PHF19: variants seen among roughly 807,000 people sequenced by gnomAD.
PHF19 encodes PHD finger protein 19.
Under a neutral mutation model 79.8 loss-of-function variants are expected in PHF19, and 21 were observed. The observed-to-expected ratio is 0.26, with a 90% CI of 0.19 to 0.38. The LOEUF is 0.38. PHF19 is among the 10% of genes least tolerant of loss of function. The probability of loss-of-function intolerance (pLI) is 1.00; values close to 1 mark genes in which losing one functional copy is unlikely to be tolerated. For missense variants in PHF19, 445 were observed against 744.2 expected (o/e 0.60, Z 4.68); for synonymous variants, 273 against 296.3 (o/e 0.92, Z 0.81).
intron 1 of PHF19, among the ~76,000 whole-genome samples, chr9:120,882,752 G>C (rs952139901): frequency 6.7e-6 from 1 of 148,476 alleles, no homozygotes; most frequent in Non-Finnish European, 1.5e-5. Flanking sequence ...TGAGGCAGGA[G>C]AATCTCTTGA....
At chr9:120,895,199 G>T (rs1480171164), upstream of PHF19, among the ~76,000 whole-genome samples, 2 of 152,134 alleles carry the variant, frequency 1.3e-5, no homozygotes, top group African/African-American at 4.8e-5. Flanking sequence ...ACTCCAGAGG[G>T]AGGGGACCCT....
intron 1 of PHF19, among the ~76,000 whole-genome samples, chr9:120,882,900 T>C (rs980915505): frequency 5.9e-5 from 9 of 151,456 alleles, no homozygotes; most frequent in African/African-American, 2.2e-4. Flanking sequence ...TTCACAAATA[T>C]GAATAATTAT....
intron 9 of PHF19, 58 bp downstream of exon 9, chr9:120,865,652 C>T (rs929166209): frequency 1.3e-5 from 21 of 1,605,440 alleles, no homozygotes; most frequent in South Asian, 3.3e-5. Context: ...TCCTGCACTG[C>T]GTGGCCCTGG....
In PHF19 at chr9:120,869,171, C is replaced by T. The variant is rs765926253; in HGVS notation, c.614+11G>A. ...CCCTGCCGCCCGGGGGGCCCTGACC[C>T]CCTGCCTTACTCTCCGGGCCCGCCG... On this transcript the variant is annotated intron_variant, in intron 6 of 14. Transcript: ENST00000373896. This position sits in a 1 kb window ranked among gnomAD's most constrained non-coding sequence, Gnocchi z 5.8. 6.2e-7 allele frequency: 1 copy of T among 1,603,570 alleles called. No individual in the cohort carries two copies. The highest frequency in any genetic ancestry group is 8.5e-7 in the Non-Finnish European group (1 of 1,175,726).
chr9:120,872,188 C>T (rs182402235), intron 3 of PHF19, among the ~76,000 whole-genome samples: 1 of 151,894 alleles, frequency 6.6e-6, no homozygotes, highest in African/African-American at 2.4e-5. Flanking sequence ...TATTCTTGAA[C>T]ATGCTCCCAG....
In PHF19 at chr9:120,856,570, ACATCAGG is replaced by A. The variant is rs2045365650; in HGVS notation, c.*1367_*1373del. ...TTCTAATATCTCTGGAAGCAGCAAA[ACATCAGG>A]GGTCCTCTTCCCCCTCCCAATTTTG... On this transcript the variant is annotated 3_prime_UTR_variant, in exon 15 of 15. Coordinates refer to ENST00000373896, the MANE Select transcript of PHF19 (RefSeq NM_015651.3). The A allele has an allele frequency of 6.6e-6, 1 of 152,170 alleles. No individual in the cohort carries two copies. The highest frequency in any genetic ancestry group is 1.5e-5 in the Non-Finnish European group (1 of 68,022). The allele number at this position is 152,170 out of a possible 1,614,324, so 9.4% of individuals were successfully genotyped here.
intron 1 of PHF19, among the ~76,000 whole-genome samples, chr9:120,888,011 C>T (rs913479931): frequency 3.9e-5 from 6 of 152,158 alleles, no homozygotes; most frequent in Admixed American, 6.5e-5. Flanking sequence ...ACACGTCTGT[C>T]GCCCAGACTG....
At position 120,882,842 on chromosome 9, in the gene PHF19, C is replaced by CAAA. The variant is rs35003037; in HGVS notation, c.43-8089_43-8087dup. ...GGGTGACAAGAGCAAAACTCCATCT[C>CAAA]AAAAAAAAAAAAAAAAAGAAAGAAA... is the stretch of plus-strand genomic sequence containing the variant. On this transcript the variant is annotated intron_variant, in intron 1 of 14. Transcript: ENST00000616568. 1.2e-3 allele frequency among the ~76,000 whole-genome samples: 131 copies of CAAA among 109,628 alleles called. 5 individuals carry two copies. The East Asian group carries it at 0.028, about 24-fold the overall frequency. The allele number at this position is 109,628 out of a possible 152,430, so 71.9% of individuals were successfully genotyped here.
chr9:120,862,865 G>T lies in PHF19; in HGVS notation c.969-116C>A, dbSNP rs962587984. The T allele has an allele frequency of 1.9e-5, 19 of 988,190 alleles. No individual in the cohort carries two copies. Among genetic ancestry groups the T allele is most frequent in the Non-Finnish European group, 1.6e-6 (1 of 639,364 alleles). 61.2% of individuals were successfully genotyped at this position (988,190 alleles called of 1,614,324 possible). On this transcript the variant is annotated intron_variant, in intron 10 of 14. Transcript: ENST00000373896. This position sits in a 1 kb window ranked among gnomAD's most constrained non-coding sequence, Gnocchi z 4.6. Reference sequence around the variant, plus strand: ...CTCCTTGGACCCAGAGCTAAAATCCGGATGGTCTCTGCAGATGCTGACTTC... The same window carrying T: ...CTCCTTGGACCCAGAGCTAAAATCCTGATGGTCTCTGCAGATGCTGACTTC...
rs528660076 is a variant in PHF19, at chr9:120,866,357, C to T, written c.711-261G>A. On this transcript the variant is annotated intron_variant, in intron 7 of 14. Transcript: ENST00000373896. The surrounding 1 kb of genome is among the most constrained non-coding windows in gnomAD (Gnocchi z 5.2). The stretch of plus-strand genomic sequence containing the variant: ...TTCACAGAGAGTGAGCTGAGCTAGG[C>T]TGGGCTGCCATGGTCACCCTCTTCC... Among the ~76,000 whole-genome samples the T allele has an allele frequency of 9.8e-5, 15 of 152,306 alleles. No individual in the cohort carries two copies. Among genetic ancestry groups the T allele is most frequent in the African/African-American group, 3.4e-4 (14 of 41,556 alleles).
intron 10 of PHF19, 105 bp downstream of exon 10, chr9:120,863,944 G>A: frequency 1.1e-6 from 1 of 896,736 alleles, no homozygotes; most frequent in Non-Finnish European, 1.8e-6. Flanking sequence ...GAGAGAAGGG[G>A]AGTATCAGAG....
rs771090021 is a variant in PHF19 at position 120,866,114 on chromosome 9, C to CG, written c.711-19dup. 6 of 1,605,968 alleles carry CG rather than the reference C, an allele frequency of 3.7e-6. No homozygotes were observed. Among genetic ancestry groups the CG allele is most frequent in the Middle Eastern group, 1.7e-4 (1 of 6,010 alleles). On this transcript the variant is annotated intron_variant, in intron 7 of 14. Coordinates refer to ENST00000373896, the MANE Select transcript of PHF19 (RefSeq NM_015651.3). The surrounding 1 kb of genome is among the most constrained non-coding windows in gnomAD (Gnocchi z 5.2). ...GGTAAAACCTGTGGGTGGGTAGAGA[C>CG]GGGGGCCTATGGTGGGAGGGGCTCT...
chr9:120,878,338 C>A (rs1376331789), upstream of PHF19, among the ~76,000 whole-genome samples: 1 of 152,190 alleles, frequency 6.6e-6, no homozygotes, highest in Non-Finnish European at 1.5e-5. Flanking sequence ...GGGGGAAAGG[C>A]AGACATGGCC....
At chr9:120,899,203 A>C (rs1490437331), upstream of PHF19, among the ~76,000 whole-genome samples, 1 of 133,448 alleles carries the variant, frequency 7.5e-6, no homozygotes, top group Non-Finnish European at 1.6e-5. Context: ...AGTCTCAAAG[A>C]AAAAAAAAAA....
At chr9:120,867,678 C>T (rs2045744542) in intron 6 of PHF19, among the ~76,000 whole-genome samples, 3 of 152,246 alleles carry the variant, frequency 2.0e-5, no homozygotes, top group African/African-American at 7.2e-5. Flanking sequence ...TTTCCATAAG[C>T]ATTTCTCCAT....
At chr9:120,878,719 G>A (rs971182847), upstream of PHF19, among the ~76,000 whole-genome samples, 1 of 152,110 alleles carries the variant, frequency 6.6e-6, no homozygotes, top group African/African-American at 2.4e-5. Context: ...GGATCCTGGC[G>A]CCTCAGCAGA....
chr9:120,868,004 C>G (rs1199055427), intron 6 of PHF19, among the ~76,000 whole-genome samples: 2 of 152,198 alleles, frequency 1.3e-5, no homozygotes, highest in African/African-American at 4.8e-5. Flanking sequence ...CCACAGTGGC[C>G]CCGACATAGC....
At chr9:120,884,365 GA>G (rs2046233950) in intron 1 of PHF19, among the ~76,000 whole-genome samples, 2 of 152,318 alleles carry the variant, frequency 1.3e-5, no homozygotes, top group East Asian at 3.9e-4. Context: ...CGATCCGCGT[GA>G]GGTGGATGAG....
intron 1 of PHF19, among the ~76,000 whole-genome samples, chr9:120,883,832 T>C (rs1339494313): frequency 6.6e-5 from 10 of 150,864 alleles, no homozygotes; most frequent in Non-Finnish European, 1.3e-4. Context: ...GACAGACAGA[T>C]TGATAGATAA....
Sources: gnomAD v4.1 joint callset for allele counts (sites outside exome capture counted in the v4.1 genomes callset) on GRCh38, gnomAD v4.1.1 for gene constraint, Gnocchi (gnomAD v3.1) non-coding constraint, MANE v1.5 for transcripts, NCBI Gene and HGNC (gene_info 2026-07-23, HGNC 2026-07-21) for gene names.